The following RIGI variants were observed in gnomAD, a reference collection of about 807,000 sequenced individuals.
RIGI encodes the protein RNA sensor RIG-I.
At chr9:32,459,536 CA>C in the RIGI span, 1 of 1,598,676 alleles carries the variant, frequency 6.3e-7, no homozygotes, top group Admixed American at 1.8e-5. Flanking sequence ...AGAAAGACCG[CA>C]AATGTAATTT....
chr9:32,513,907 G>C, the RIGI span, among the ~76,000 whole-genome samples: 1 of 152,182 alleles, frequency 6.6e-6, no homozygotes, highest in African/African-American at 2.4e-5. Flanking sequence ...ATCAAAAAGT[G>C]GGTGCAGGAT....
the RIGI span, among the ~76,000 whole-genome samples, chr9:32,517,776 G>T: frequency 9.2e-5 from 14 of 152,266 alleles, no homozygotes; most frequent in South Asian, 2.9e-3. Flanking sequence ...TAATTTTAAG[G>T]TTATTTAGGT....
the RIGI span, among the ~76,000 whole-genome samples, chr9:32,482,730 G>A: frequency 1.3e-5 from 2 of 151,926 alleles, no homozygotes; most frequent in South Asian, 2.1e-4. Context: ...GTGGTGGCAC[G>A]CACCTGAAGT....
the RIGI span, among the ~76,000 whole-genome samples, chr9:32,462,107 C>T: frequency 6.6e-6 from 1 of 152,122 alleles, no homozygotes; most frequent in Non-Finnish European, 1.5e-5. Flanking sequence ...CATGAACTAG[C>T]TGTGTGATCT....
At chr9:32,459,392 T>C in the RIGI span, 3 of 1,613,706 alleles carry the variant, frequency 1.9e-6, no homozygotes, top group African/African-American at 1.3e-5. Context: ...TTACGTCAGC[T>C]GTGTAACATG....
At chr9:32,481,317 G>A in the RIGI span, 45,348 of 1,606,026 alleles carry the variant, frequency 0.028, 974 homozygotes, top group Admixed American at 0.11. Flanking sequence ...ACCAGAATAC[G>A]ACTCTTAAAA....
chr9:32,495,261 G>A, the RIGI span, among the ~76,000 whole-genome samples: 1 of 152,128 alleles, frequency 6.6e-6, no homozygotes, highest in Non-Finnish European at 1.5e-5. Context: ...GAGTGCAGTG[G>A]CACGATCTCG....
the RIGI span, chr9:32,485,271 T>C: frequency 5.7e-6 from 9 of 1,589,140 alleles, no homozygotes; most frequent in East Asian, 2.2e-5. Context: ...GATTCCACTT[T>C]CCTGAAAACT....
chr9:32,512,099 C>A, the RIGI span, among the ~76,000 whole-genome samples: 1 of 152,052 alleles, frequency 6.6e-6, no homozygotes, highest in Non-Finnish European at 1.5e-5. Flanking sequence ...CAAAAAAAGC[C>A]CAGGACCAGA....
chr9:32,497,709 T>A, the RIGI span, among the ~76,000 whole-genome samples: 1 of 152,210 alleles, frequency 6.6e-6, no homozygotes, highest in African/African-American at 2.4e-5. Flanking sequence ...ATTGCGCCAC[T>A]GCACTCCATC....
chr9:32,501,346 A>T, the RIGI span, among the ~76,000 whole-genome samples: 3,214 of 76,002 alleles, frequency 0.042, 111 homozygotes, highest in African/African-American at 0.11. Context: ...AAAAAAAAAA[A>T]TTTTTTTAAT....
chr9:32,476,646 C>CTT, the RIGI span, among the ~76,000 whole-genome samples: 145 of 138,624 alleles, frequency 1.0e-3, no homozygotes, highest in Admixed American at 1.7e-3. Context: ...GAGAAAACGG[C>CTT]TTTTTTTTTT....
the RIGI span, among the ~76,000 whole-genome samples, chr9:32,508,239 A>ATTTTTTTTTTTTTTT: frequency 3.4e-3 from 238 of 70,320 alleles, 27 homozygotes; most frequent in African/African-American, 9.3e-3. Context: ...TATTTACTTA[A>ATTTTTTTTTTTTTTT]TTTTTTTTTT....
At chr9:32,470,559 A>G in the RIGI span, among the ~76,000 whole-genome samples, 1 of 152,204 alleles carries the variant, frequency 6.6e-6, no homozygotes, top group Non-Finnish European at 1.5e-5. Context: ...AGTCATTCAT[A>G]AGCAGGCAGT....
the RIGI span, among the ~76,000 whole-genome samples, chr9:32,463,135 A>T: frequency 2.0e-5 from 3 of 152,196 alleles, no homozygotes; most frequent in African/African-American, 7.2e-5. Flanking sequence ...AGAAATAATT[A>T]AAAAATTAAA....
the RIGI span, among the ~76,000 whole-genome samples, chr9:32,516,888 G>A: frequency 6.6e-6 from 1 of 152,204 alleles, no homozygotes; most frequent in East Asian, 1.9e-4. Context: ...AAAGCACCTC[G>A]ACTGTTTCAG....
At chr9:32,481,502 TAA>T in the RIGI span, 12,132 of 1,310,354 alleles carry the variant, frequency 9.3e-3, 6 homozygotes, top group African/African-American at 0.02. Context: ...AGTTTTCTGT[TAA>T]AAAAAAAAAA....
chr9:32,503,526 T>G, the RIGI span, among the ~76,000 whole-genome samples: 1 of 152,178 alleles, frequency 6.6e-6, no homozygotes, highest in African/African-American at 2.4e-5. Context: ...CTAAAGCTCT[T>G]TATTGACTAC....
chr9:32,467,790 G>A, the RIGI span: 9 of 1,600,688 alleles, frequency 5.6e-6, no homozygotes, highest in African/African-American at 5.3e-5. Flanking sequence ...TGATGACATT[G>A]CCCACATACT....
Sources: allele counts gnomAD v4.1 joint callset (sites outside exome capture counted in the v4.1 genomes callset), GRCh38; gene constraint gnomAD v4.1.1; transcripts MANE v1.5; gene names NCBI Gene and HGNC (gene_info 2026-07-23, HGNC 2026-07-21).